RFTN1: variants seen among roughly 807,000 people sequenced by gnomAD.
RFTN1 encodes raftlin, lipid raft linker 1.
A neutral mutation model predicts 46.5 loss-of-function variants in RFTN1; 26 were observed. The ratio of observed to expected loss-of-function variants is 0.56; its 90% CI spans 0.41 to 0.78. The LOEUF is 0.78. RFTN1 is among the 30% of genes least tolerant of loss of function. The probability of loss-of-function intolerance (pLI) is 0.00; values close to 1 mark genes in which losing one functional copy is unlikely to be tolerated. For missense variants in RFTN1, 693 were observed against 718.7 expected (o/e 0.96, Z 0.41); for synonymous variants, 261 against 284.2 (o/e 0.92, Z 0.82).
At chr3:16,409,185 G>A (rs2074929628) in intron 4 of RFTN1, among the ~76,000 whole-genome samples, 190 bp downstream of exon 4, 1 of 152,206 alleles carries the variant, frequency 6.6e-6, no homozygotes. Flanking sequence ...CTGGGGAGGA[G>A]GGGTTAGCCA....
At chr3:16,414,291 T>G (rs1252557538) in intron 3 of RFTN1, among the ~76,000 whole-genome samples, 1 of 136,656 alleles carries the variant, frequency 7.3e-6, no homozygotes, top group Non-Finnish European at 1.6e-5. Flanking sequence ...TGGTGGGAAG[T>G]CTTGAAAAAA....
rs1024763745 is a variant in RFTN1, at chr3:16,410,263, T to C, written c.333-780A>G. Among the ~76,000 whole-genome samples the C allele has an allele frequency of 7.1e-5, 10 of 141,452 alleles. No individual in the cohort carries two copies. The highest frequency in any genetic ancestry group is 1.4e-4 in the Non-Finnish European group (9 of 64,982). The allele number at this position is 141,452 out of a possible 152,430, so 92.8% of individuals were successfully genotyped here. A position where few individuals can be genotyped will look rare whatever the true frequency, so the allele number is the denominator to read the frequency against. ...CACACACACACACACACACACAAACTCTCACTCCAGTAATGTCTATGTCCC... is the reference window on the plus strand; with the variant it reads ...CACACACACACACACACACACAAACCCTCACTCCAGTAATGTCTATGTCCC... On this transcript the variant is annotated intron_variant, in intron 3 of 9. Coordinates refer to ENST00000334133, the MANE Select transcript of RFTN1 (RefSeq NM_015150.2). The surrounding 1 kb of genome is among the most constrained non-coding windows in gnomAD (Gnocchi z 4.6).
At position 16,316,152 on chromosome 3, in the gene RFTN1, C is replaced by T. The variant is rs1265313707; in HGVS notation, c.*676G>A. ...CTGAGTACAAAACCTTTAAAAACAA[C>T]TTTTTGGCATTAATACTAACACAGA... On this transcript the variant is annotated 3_prime_UTR_variant, in exon 10 of 10. Coordinates refer to ENST00000334133, the MANE Select transcript of RFTN1 (RefSeq NM_015150.2). The surrounding 1 kb of genome is among the most constrained non-coding windows in gnomAD (Gnocchi z 4.5). 1 of 153,056 alleles carries T rather than the reference C, an allele frequency of 6.5e-6. No homozygotes were observed. The highest frequency in any genetic ancestry group is 6.5e-5 in the Admixed American group (1 of 15,290). The allele number at this position is 153,056 out of a possible 1,614,324, so 9.5% of individuals were successfully genotyped here. A position where few individuals can be genotyped will look rare whatever the true frequency, so the allele number is the denominator to read the frequency against.
chr3:16,471,254 TGG>T (rs1340579451), intron 2 of RFTN1, among the ~76,000 whole-genome samples: 3 of 152,140 alleles, frequency 2.0e-5, no homozygotes, highest in Non-Finnish European at 2.9e-5. Flanking sequence ...AAACGCAAAA[TGG>T]GCCACATGTC....
Position 16,342,202 on chromosome 3 carries a change from TC to T in RFTN1, c.1147-15327del, listed in dbSNP as rs1223398517. Among the ~76,000 whole-genome samples the T allele has an allele frequency of 6.6e-6, 1 of 151,802 alleles. No homozygotes were observed. The highest frequency in any genetic ancestry group is 2.4e-5 in the African/African-American group (1 of 41,296). ...GTACCTATTAGCAGTCACTCCCCTT[TC>T]CCCCCACCCACCCCGAGGCAACCAC... On this transcript the variant is annotated intron_variant, in intron 7 of 9. Transcript: ENST00000334133. This position sits in a 1 kb window ranked among gnomAD's most constrained non-coding sequence, Gnocchi z 4.0.
rs1208914518 is a variant in RFTN1, at chr3:16,367,764, AG to A, written c.1030+2311del. 3.3e-5 allele frequency among the ~76,000 whole-genome samples: 5 copies of A among 152,330 alleles called. 1 individual carries two copies. The highest frequency in any genetic ancestry group is 6.8e-3 in the Middle Eastern group (2 of 294). ...TGAAGAGTGGGGTGACGGGAAGTAG[AG>A]GAGGCTAACTCAGCCTTGATCACCA... On this transcript the variant is annotated intron_variant, in intron 6 of 9. Transcript: ENST00000334133.
chr3:16,448,786 T>C lies in RFTN1; in HGVS notation c.146-14749A>G, dbSNP rs2075776804. ...CCCAAACATCCTCCTGAGTCACAAGTCTCACCCCATGCGGGGATTACAGGC... is the reference window on the plus strand; with the variant it reads ...CCCAAACATCCTCCTGAGTCACAAGCCTCACCCCATGCGGGGATTACAGGC... On this transcript the variant is annotated intron_variant, in intron 2 of 9. Transcript: ENST00000334133. This position sits in a 1 kb window ranked among gnomAD's most constrained non-coding sequence, Gnocchi z 4.1. 6.6e-6 allele frequency among the ~76,000 whole-genome samples: 1 copy of C among 152,082 alleles called. No individual in the cohort carries two copies. Among genetic ancestry groups the C allele is most frequent in the African/African-American group, 2.4e-5 (1 of 41,418 alleles).
rs778890196 is a variant in RFTN1 at position 16,493,772 on chromosome 3, T to C, written c.98A>G (p.Asp33Gly). The change falls in exon 2 of 10, where the codon GAT becomes GGT. Residue 33 changes from aspartate to glycine, a missense_variant. By Grantham distance (94) the Asp-to-Gly change is moderately conservative. Coordinates refer to ENST00000334133, the MANE Select transcript of RFTN1 (RefSeq NM_015150.2). ...CAGGAAGCGGTATTCATAGGACACA[T>C]CTATCTTGGTTTCCACCTGAGGCCT... is the stretch of plus-strand genomic sequence containing the variant. ...LKRPQVETKI[D>G]VSYEYRFLEF... 4.4e-6 allele frequency: 7 copies of C among 1,605,896 alleles called. No individual in the cohort carries two copies. In the South Asian group the frequency reaches 7.7e-5, roughly 18 times the overall value.
chr3:16,399,230 T>A (rs2074545720), intron 4 of RFTN1, among the ~76,000 whole-genome samples: 1 of 152,074 alleles, frequency 6.6e-6, no homozygotes, highest in Admixed American at 6.6e-5. Flanking sequence ...TGAAGATAAT[T>A]CAGCAAACCC....
intron 2 of RFTN1, among the ~76,000 whole-genome samples, chr3:16,439,690 T>C (rs1024676530): frequency 6.6e-6 from 1 of 151,852 alleles, no homozygotes; most frequent in Non-Finnish European, 1.5e-5. Flanking sequence ...GTGGCTGGAG[T>C]GAGGAAGGAG....
At chr3:16,396,082 T>C (rs2074460857) in intron 4 of RFTN1, among the ~76,000 whole-genome samples, 1 of 152,178 alleles carries the variant, frequency 6.6e-6, no homozygotes, top group Non-Finnish European at 1.5e-5. Context: ...GTTCACTTTA[T>C]AAGACAGAGT....
intron 3 of RFTN1, among the ~76,000 whole-genome samples, chr3:16,415,430 TACACACACAC>T (rs1553589390): frequency 1.8e-4 from 21 of 114,304 alleles, no homozygotes; most frequent in Middle Eastern, 4.1e-3. Flanking sequence ...TATATATATA[TACACACACAC>T]ACACACATAT....
In RFTN1 at chr3:16,353,893, A is replaced by T. The variant is rs2072252674; in HGVS notation, c.1146+4039T>A. On this transcript the variant is annotated intron_variant, in intron 7 of 9. Transcript: ENST00000334133. This position sits in a 1 kb window ranked among gnomAD's most constrained non-coding sequence, Gnocchi z 5.4. ...CTTTTCAGCCTCCAGAACTGAGAGG[A>T]AAGAAATTTCTGTCGTTTAATCCGT... Among the ~76,000 whole-genome samples the T allele has an allele frequency of 6.6e-6, 1 of 152,206 alleles. No individual in the cohort carries two copies. The highest frequency in any genetic ancestry group is 2.4e-5 in the African/African-American group (1 of 41,460).
In RFTN1 at chr3:16,348,658, T is replaced by A. The variant is rs573557636; in HGVS notation, c.1146+9274A>T. Reference sequence around the variant, plus strand: ...GGGCCTCAGCAAATGCCCCTTTGCATCCTTGTTCCTGGGCATCAAAAAGTA... The same window carrying A: ...GGGCCTCAGCAAATGCCCCTTTGCAACCTTGTTCCTGGGCATCAAAAAGTA... On this transcript the variant is annotated intron_variant, in intron 7 of 9. Coordinates refer to ENST00000334133, the MANE Select transcript of RFTN1 (RefSeq NM_015150.2). This position sits in a 1 kb window ranked among gnomAD's most constrained non-coding sequence, Gnocchi z 6.3. 6.6e-6 allele frequency among the ~76,000 whole-genome samples: 1 copy of A among 152,324 alleles called. No homozygotes were observed. The highest frequency in any genetic ancestry group is 1.5e-5 in the Non-Finnish European group (1 of 68,022).
rs1360774800 is a variant in RFTN1, at chr3:16,385,079, C to A, written c.442-6977G>T. ...CCCTCATAACTCACACGCCCCCGATCCGTGACAACATAGCACAGCACACGC... is the reference window on the plus strand; with the variant it reads ...CCCTCATAACTCACACGCCCCCGATACGTGACAACATAGCACAGCACACGC... On this transcript the variant is annotated intron_variant, in intron 4 of 9. Transcript: ENST00000334133. The surrounding 1 kb of genome is among the most constrained non-coding windows in gnomAD (Gnocchi z 5.0). Among the ~76,000 whole-genome samples the A allele has an allele frequency of 6.6e-6, 1 of 152,206 alleles. No homozygotes were observed. Among genetic ancestry groups the A allele is most frequent in the Admixed American group, 6.5e-5 (1 of 15,280 alleles).
rs1298619778 is a variant in RFTN1, at chr3:16,443,979, GT to G, written c.146-9943del. 6.6e-6 allele frequency among the ~76,000 whole-genome samples: 1 copy of G among 152,178 alleles called. No homozygotes were observed. The highest frequency in any genetic ancestry group is 1.5e-5 in the Non-Finnish European group (1 of 68,038). The stretch of plus-strand genomic sequence containing the variant: ...AAACACCAGGTCCCCTGATGCTTAG[GT>G]TTAGTAGTGGGCACTCAAATATTAA... On this transcript the variant is annotated intron_variant, in intron 2 of 9. Transcript: ENST00000334133. This position sits in a 1 kb window ranked among gnomAD's most constrained non-coding sequence, Gnocchi z 5.5.
In RFTN1 at chr3:16,317,740, A is replaced by G. The variant is rs1274299451; in HGVS notation, c.1333-508T>C. On this transcript the variant is annotated intron_variant, in intron 9 of 9. Transcript: ENST00000334133. This position sits in a 1 kb window ranked among gnomAD's most constrained non-coding sequence, Gnocchi z 4.3. ...TGTGCTGTACCGCTCAGATCCCCCCACAGGACTGGCGGGCCCGCTCCCCAG... is the reference window on the plus strand; with the variant it reads ...TGTGCTGTACCGCTCAGATCCCCCCGCAGGACTGGCGGGCCCGCTCCCCAG... Among the ~76,000 whole-genome samples the G allele has an allele frequency of 1.3e-5, 2 of 150,580 alleles. No homozygotes were observed. The highest frequency in any genetic ancestry group is 6.6e-5 in the Admixed American group (1 of 15,182).
rs1258595000 is a variant in RFTN1, at chr3:16,338,240, G to A, written c.1147-11364C>T. Among the ~76,000 whole-genome samples the A allele has an allele frequency of 6.6e-6, 1 of 152,236 alleles. No individual in the cohort carries two copies. Among genetic ancestry groups the A allele is most frequent in the South Asian group, 2.1e-4 (1 of 4,834 alleles). The stretch of plus-strand genomic sequence containing the variant: ...TGCATCCTTATTATCAGGGGTGTCT[G>A]CCCACACACACCTGCATGAGCAGAA... On this transcript the variant is annotated intron_variant, in intron 7 of 9. Coordinates refer to ENST00000334133, the MANE Select transcript of RFTN1 (RefSeq NM_015150.2). This position sits in a 1 kb window ranked among gnomAD's most constrained non-coding sequence, Gnocchi z 5.3.
chr3:16,333,295 A>T (rs2070510659), intron 7 of RFTN1, among the ~76,000 whole-genome samples: 1 of 152,210 alleles, frequency 6.6e-6, no homozygotes, highest in African/African-American at 2.4e-5. Context: ...GCACAATATT[A>T]CCTTGTTTGA....
Sources: gnomAD v4.1 joint callset for allele counts (sites outside exome capture counted in the v4.1 genomes callset) on GRCh38, gnomAD v4.1.1 for gene constraint, Gnocchi (gnomAD v3.1) non-coding constraint, MANE v1.5 for transcripts, NCBI Gene and HGNC (gene_info 2026-07-23, HGNC 2026-07-21) for gene names.